INA: variants seen among roughly 807,000 people sequenced by gnomAD.
INA encodes alpha-internexin.
A neutral mutation model predicts 40.1 loss-of-function variants in INA; 35 were observed. The ratio of observed to expected loss-of-function variants is 0.87; its 90% CI spans 0.67 to 1.16. The LOEUF is 1.16. Among genes scored for constraint, INA ranks in the 50% most tolerant of loss-of-function variants. The pLI, the probability that INA is intolerant of heterozygous loss-of-function variation, is 0.00. For missense variants in INA, 594 were observed against 686.7 expected (o/e 0.87, Z 1.51); for synonymous variants, 290 against 316.9 (o/e 0.92, Z 0.90).
At chr10:103,282,632 T>C (rs1214720556) in intron 1 of INA, among the ~76,000 whole-genome samples, 3 of 152,158 alleles carry the variant, frequency 2.0e-5, no homozygotes, top group Non-Finnish European at 2.9e-5. Flanking sequence ...ATTTTTAAAA[T>C]TGATTATTAT....
chr10:103,281,791 A>C (rs895795994), intron 1 of INA, among the ~76,000 whole-genome samples: 1 of 152,210 alleles, frequency 6.6e-6, no homozygotes, highest in Non-Finnish European at 1.5e-5. Flanking sequence ...TAGTGTGGCC[A>C]TTCATTTCTC....
intron 1 of INA, among the ~76,000 whole-genome samples, chr10:103,284,613 G>GT (rs2093080846): frequency 6.6e-6 from 1 of 152,004 alleles, no homozygotes; most frequent in Non-Finnish European, 1.5e-5. Flanking sequence ...AATTAGCCAG[G>GT]TGTGGTGGTG....
At chr10:103,280,309 A>G (rs1798224040) in intron 1 of INA, 1 of 985,114 alleles carries the variant, frequency 1.0e-6, no homozygotes, top group South Asian at 4.7e-5. Context: ...CTGGTTCCCT[A>G]CTCCTTGGGA....
chr10:103,280,004 G>A (rs2133532714), intron 1 of INA: 1 of 1,287,136 alleles, frequency 7.8e-7, no homozygotes, highest in East Asian at 5.6e-5. Context: ...TACAAAAAAA[G>A]GATAACTTAC....
intron 1 of INA, among the ~76,000 whole-genome samples, chr10:103,281,839 TG>T (rs972862338): frequency 6.6e-6 from 1 of 152,242 alleles, no homozygotes; most frequent in Non-Finnish European, 1.5e-5. Flanking sequence ...CGGGCTGCGA[TG>T]CTCAGACGAG....
chr10:103,287,167 A>G lies in INA; in HGVS notation c.1190+8A>G, dbSNP rs1295053606. The G allele has an allele frequency of 1.2e-6, 2 of 1,612,128 alleles. No homozygotes were observed. The highest frequency in any genetic ancestry group is 1.7e-6 in the Non-Finnish European group (2 of 1,179,210). On this transcript the variant is annotated splice_region_variant and intron_variant, in intron 2 of 2. Transcript: ENST00000369849. ...TGAGATAGCAGCTTACAGGTACTGC[A>G]AAGGACCTGCTTACCCGAGTAAATC...
At position 103,277,600 on chromosome 10, in the gene INA, G is replaced by C. The variant is rs1014072639; in HGVS notation, c.389G>C (p.Arg130Pro). 1.3e-6 allele frequency: 2 copies of C among 1,551,816 alleles called. No individual in the cohort carries two copies. Among genetic ancestry groups the C allele is most frequent in the Non-Finnish European group, 1.7e-6 (2 of 1,156,606 alleles). Reference protein sequence around the residue: ...RALEAELAALRQRHAEPSRVG... With the variant: ...RALEAELAALPQRHAEPSRVG... ...TTGGAGGCCGAGCTGGCCGCGCTGC[G>C]ACAGCGCCACGCTGAGCCGTCGCGC... The change falls in exon 1 of 3, where the codon CGA (arginine) becomes CCA (proline). Residue 130 changes from arginine to proline, a missense_variant. Coordinates refer to ENST00000369849, the MANE Select transcript of INA (RefSeq NM_032727.4). This position sits in a 1 kb window ranked among gnomAD's most constrained non-coding sequence, Gnocchi z 5.6.
chr10:103,283,748 C>CTTTTT (rs34755376), intron 1 of INA, among the ~76,000 whole-genome samples: 19 of 114,908 alleles, frequency 1.7e-4, no homozygotes, highest in South Asian at 5.9e-4. Context: ...ATCACTGTTT[C>CTTTTT]TTTTTTTTTT....
At chr10:103,280,422 G>A (rs2093070166) in intron 1 of INA, 1 of 985,412 alleles carries the variant, frequency 1.0e-6, no homozygotes, top group Non-Finnish European at 1.2e-6. Context: ...TGCTGACCAA[G>A]GTGAAAAGCC....
At position 103,277,520 on chromosome 10, in the gene INA, C is replaced by T; in HGVS notation, c.309C>T (p.Asp103=). The T allele has an allele frequency of 6.3e-7, 1 of 1,587,082 alleles. No individual in the cohort carries two copies. Among genetic ancestry groups the T allele is most frequent in the Non-Finnish European group, 8.5e-7 (1 of 1,170,342 alleles). The part of the protein sequence containing the change: ...NEKEQLQGLN[D]RFAVFIEKVH... ...AGGAGCAGCTGCAGGGCCTCAACGA[C>T]CGCTTCGCCGTGTTCATCGAGAAGG... is the stretch of plus-strand genomic sequence containing the variant. Residue 103 remains aspartate, a synonymous_variant, in exon 1 of 3, where the codon GAC becomes GAT. Transcript: ENST00000369849. The surrounding 1 kb of genome is among the most constrained non-coding windows in gnomAD (Gnocchi z 5.6).
rs1436368558 is a variant in INA at position 103,290,091 on chromosome 10, A to C, written c.*1422A>C. On this transcript the variant is annotated 3_prime_UTR_variant, in exon 3 of 3. Coordinates refer to ENST00000369849, the MANE Select transcript of INA (RefSeq NM_032727.4). ...TCATGTGTGCCAAGGCTGATGCAGGATTTGTTCTCTGTCCAGCAGTCACTT... is the reference window on the plus strand; with the variant it reads ...TCATGTGTGCCAAGGCTGATGCAGGCTTTGTTCTCTGTCCAGCAGTCACTT... 6.6e-6 allele frequency: 1 copy of C among 152,566 alleles called. No homozygotes were observed. The highest frequency in any genetic ancestry group is 1.5e-5 in the Non-Finnish European group (1 of 68,040). The allele number at this position is 152,566 out of a possible 1,614,324, so 9.5% of individuals were successfully genotyped here.
rs766043765 is a variant in INA, at chr10:103,278,113, G to A, written c.902G>A (p.Ser301Asn). The A allele has an allele frequency of 6.2e-7, 1 of 1,613,168 alleles. No homozygotes were observed. Among genetic ancestry groups the A allele is most frequent in the Non-Finnish European group, 8.5e-7 (1 of 1,179,886 alleles). Reference protein sequence around the residue: ...FANLNEQAARSTEAIRASREE... With the variant: ...FANLNEQAARNTEAIRASREE... ...AACCTGAACGAGCAGGCGGCGCGCA[G>A]CACCGAGGCCATCCGGGCCAGCCGC... Residue 301 changes from serine (S) to asparagine (N), a missense_variant, in exon 1 of 3, where the codon AGC becomes AAC. Physicochemically the swap from Ser to Asn is conservative, Grantham distance 46. Coordinates refer to ENST00000369849, the MANE Select transcript of INA (RefSeq NM_032727.4). This position sits in a 1 kb window ranked among gnomAD's most constrained non-coding sequence, Gnocchi z 4.9.
Position 103,277,357 on chromosome 10 carries a change from C to T in INA, c.146C>T (p.Ala49Val), listed in dbSNP as rs554077468. ...CAGTCGCTGTCCCGCAGCAATGTGG[C>T]CTCCTCGGCCGCCTGCTCCTCGGCC... ...RSQSLSRSNV[A>V]SSAACSSASS... Residue 49 changes from alanine to valine, a missense_variant, in exon 1 of 3, where the codon GCC becomes GTC. Ala to Val is a moderately conservative substitution (Grantham distance 64). Around this residue, in one of 2 missense-constraint regions of INA, gnomAD observed 215 missense variants for 190.6 expected, o/e 1.13. Transcript: ENST00000369849. The surrounding 1 kb of genome is among the most constrained non-coding windows in gnomAD (Gnocchi z 5.6). The T allele has an allele frequency of 1.1e-4, 174 of 1,573,644 alleles. 3 individuals are homozygous for T. In the South Asian group the frequency reaches 1.3e-3, roughly 12 times the overall value.
At chr10:103,287,412 T>A (rs991168400) in intron 2 of INA, among the ~76,000 whole-genome samples, 1 of 152,090 alleles carries the variant, frequency 6.6e-6, no homozygotes, top group African/African-American at 2.4e-5. Context: ...GAGGTTAAAA[T>A]AAAAACCCAT....
intron 2 of INA, 136 bp downstream of exon 2, chr10:103,287,295 G>T: frequency 1.2e-6 from 1 of 859,516 alleles, no homozygotes; most frequent in Admixed American, 2.8e-5. Context: ...TTTCAGGTGA[G>T]CTGACTGCTC....
chr10:103,287,157 C>G lies in INA; in HGVS notation c.1188C>G (p.Tyr396Ter), dbSNP rs947086776. The G allele has an allele frequency of 6.2e-7, 1 of 1,612,896 alleles. No homozygotes were observed. Among genetic ancestry groups the G allele is most frequent in the African/African-American group, 1.3e-5 (1 of 74,906 alleles). ...KMALDIEIAA[Y>*]RKLLEGEETR... is the part of the protein sequence containing the mutation. ...CTCTTGACATTGAGATAGCAGCTTA[C>G]AGGTACTGCAAAGGACCTGCTTACC... is the stretch of plus-strand genomic sequence containing the variant. Residue 396 changes from tyrosine (Y) to a stop codon, truncating the protein, a stop_gained and splice_region_variant, in exon 2 of 3, where the codon TAC becomes TAG. Coordinates refer to ENST00000369849, the MANE Select transcript of INA (RefSeq NM_032727.4). LOFTEE classifies it high-confidence loss of function.
rs754507886 is a variant in INA, at chr10:103,277,976, T to G, written c.765T>G (p.Thr255=). The G allele has an allele frequency of 1.3e-6, 2 of 1,581,868 alleles. No individual in the cohort carries two copies. Among genetic ancestry groups the G allele is most frequent in the Non-Finnish European group, 1.7e-6 (2 of 1,165,058 alleles). Residue 255 remains threonine, a synonymous_variant, in exon 1 of 3, where the codon ACT becomes ACG. Transcript: ENST00000369849. This position sits in a 1 kb window ranked among gnomAD's most constrained non-coding sequence, Gnocchi z 5.6. ...AGGCCGCGGCCGAGGTGGACGTGAC[T>G]GTGGCTAAACCAGACCTGACCTCGG... is the stretch of plus-strand genomic sequence containing the variant. ...SSQAAAEVDV[T]VAKPDLTSAL... is the part of the protein sequence containing the mutation.
At chr10:103,286,787 A>G (rs2093087270) in intron 1 of INA, among the ~76,000 whole-genome samples, 1 of 152,156 alleles carries the variant, frequency 6.6e-6, no homozygotes, top group Admixed American at 6.6e-5. Flanking sequence ...CCTCTGGGTA[A>G]AAGTTCCCAG....
chr10:103,277,532 G>A lies in INA; in HGVS notation c.321G>A (p.Val107=). The A allele has an allele frequency of 6.3e-7, 1 of 1,586,780 alleles. No individual in the cohort carries two copies. Among genetic ancestry groups the A allele is most frequent in the Non-Finnish European group, 8.5e-7 (1 of 1,170,414 alleles). ...AGGGCCTCAACGACCGCTTCGCCGT[G>A]TTCATCGAGAAGGTGCATCAGCTGG... ...QLQGLNDRFA[V]FIEKVHQLET... Residue 107 remains valine (V), a synonymous_variant, in exon 1 of 3, where the codon GTG becomes GTA. Coordinates refer to ENST00000369849, the MANE Select transcript of INA (RefSeq NM_032727.4). The surrounding 1 kb of genome is among the most constrained non-coding windows in gnomAD (Gnocchi z 5.6).
Sources: allele counts gnomAD v4.1 joint callset (sites outside exome capture counted in the v4.1 genomes callset), GRCh38; gene constraint gnomAD v4.1.1; regional missense constraint gnomAD v4.1.1; non-coding constraint Gnocchi (gnomAD v3.1); transcripts MANE v1.5; gene names NCBI Gene and HGNC (gene_info 2026-07-23, HGNC 2026-07-21).